Variants in SLC67A2 observed in about 807,000 individuals in gnomAD.
The protein encoded by SLC67A2 is solute carrier family 67 member 2.
chr2:102,716,163 T>C, the SLC67A2 span: 3 of 152,238 alleles, frequency 2.0e-5, no homozygotes, highest in African/African-American at 7.2e-5. Flanking sequence ...CTCTCTACTC[T>C]ATATTCTAAG....
At chr2:102,723,315 C>A in the SLC67A2 span, among the ~76,000 whole-genome samples, 1 of 152,010 alleles carries the variant, frequency 6.6e-6, no homozygotes, top group African/African-American at 2.4e-5. Context: ...ACTAAAAATA[C>A]AAAATTAACC....
At chr2:102,719,053 G>T in the SLC67A2 span, 1 of 1,614,146 alleles carries the variant, frequency 6.2e-7, no homozygotes, top group Non-Finnish European at 8.5e-7. Context: ...CCCAGGGCTG[G>T]GCAGTCTTCT....
chr2:102,724,752 T>C, the SLC67A2 span, among the ~76,000 whole-genome samples: 3 of 152,256 alleles, frequency 2.0e-5, no homozygotes, highest in African/African-American at 7.2e-5. Context: ...GCAGTCTCAC[T>C]CTGCACATCA....
the SLC67A2 span, chr2:102,718,483 G>A: frequency 6.2e-7 from 1 of 1,614,166 alleles, no homozygotes; most frequent in Non-Finnish European, 8.5e-7. Flanking sequence ...GAGACATTAT[G>A]AAAATGGCCA....
chr2:102,723,383 C>T, the SLC67A2 span, among the ~76,000 whole-genome samples: 44,566 of 151,974 alleles, frequency 0.29, 6,937 homozygotes, highest in East Asian at 0.55. Flanking sequence ...GCAGGAGAAT[C>T]GCTTGAATCT....
chr2:102,736,824 G>A, the SLC67A2 span: 10 of 1,590,704 alleles, frequency 6.3e-6, no homozygotes, highest in African/African-American at 1.4e-5. Context: ...CGCGCCGGCC[G>A]GGGGTCGGAC....
the SLC67A2 span, among the ~76,000 whole-genome samples, chr2:102,720,147 A>G: frequency 6.6e-6 from 1 of 152,206 alleles, no homozygotes; most frequent in Admixed American, 6.5e-5. Context: ...AGAGCACTTA[A>G]AAGTTCAACT....
chr2:102,732,053 G>A, the SLC67A2 span: 2 of 586,360 alleles, frequency 3.4e-6, no homozygotes, highest in Non-Finnish European at 6.6e-6. Context: ...GCTCCTTGCA[G>A]AGGCTCCATA....
At chr2:102,719,113 G>A in the SLC67A2 span, 1 of 1,614,190 alleles carries the variant, frequency 6.2e-7, no homozygotes, top group Non-Finnish European at 8.5e-7. Context: ...CTGTGTCATG[G>A]CTCCTTCCCA....
the SLC67A2 span, chr2:102,732,548 T>C: frequency 2.9e-6 from 2 of 680,600 alleles, no homozygotes; most frequent in Non-Finnish European, 4.9e-6. Context: ...TTCCATAGCA[T>C]GCCATACAAA....
the SLC67A2 span, chr2:102,731,214 C>G: frequency 1.8e-6 from 1 of 566,712 alleles, no homozygotes; most frequent in East Asian, 3.1e-5. Flanking sequence ...TTTTTTTTTT[C>G]TACTTGGAAA....
the SLC67A2 span, among the ~76,000 whole-genome samples, chr2:102,720,394 AG>A: frequency 6.6e-6 from 1 of 152,240 alleles, no homozygotes; most frequent in Non-Finnish European, 1.5e-5. Context: ...CTAAAAAAGT[AG>A]AATTAAAATA....
the SLC67A2 span, among the ~76,000 whole-genome samples, chr2:102,725,338 A>G: frequency 6.6e-6 from 1 of 152,200 alleles, no homozygotes; most frequent in Admixed American, 6.5e-5. Flanking sequence ...CTCATTTGTG[A>G]AGATCATAGT....
the SLC67A2 span, chr2:102,736,822 C>A: frequency 1.3e-6 from 2 of 1,592,912 alleles, no homozygotes; most frequent in Non-Finnish European, 1.7e-6. Flanking sequence ...CCCGCGCCGG[C>A]CGGGGGTCGG....
chr2:102,722,334 C>T, the SLC67A2 span, among the ~76,000 whole-genome samples: 1 of 152,116 alleles, frequency 6.6e-6, no homozygotes, highest in Non-Finnish European at 1.5e-5. Flanking sequence ...GACCAGAAAG[C>T]CAGCATGGCC....
At chr2:102,726,724 T>C in the SLC67A2 span, 2 of 1,409,400 alleles carry the variant, frequency 1.4e-6, no homozygotes, top group Non-Finnish European at 1.9e-6. Context: ...GAACACTCTT[T>C]AAGCAAGTAA....
At chr2:102,727,212 C>T in the SLC67A2 span, among the ~76,000 whole-genome samples, 4 of 151,856 alleles carry the variant, frequency 2.6e-5, no homozygotes, top group South Asian at 8.3e-4. Flanking sequence ...ACAAAAAAGT[C>T]TGATGATCTG....
At chr2:102,726,815 T>TG in the SLC67A2 span, 676 of 1,444,664 alleles carry the variant, frequency 4.7e-4, no homozygotes, top group African/African-American at 1.6e-3. Flanking sequence ...AAGCTACGTT[T>TG]GAAAAAAAAA....
chr2:102,723,600 G>A, the SLC67A2 span: 1 of 1,197,752 alleles, frequency 8.3e-7, no homozygotes, highest in African/African-American at 1.5e-5. Context: ...CGATGAGTCT[G>A]TCTATTCTGA....
Sources: allele counts gnomAD v4.1 joint callset (sites outside exome capture counted in the v4.1 genomes callset), GRCh38; gene constraint gnomAD v4.1.1; transcripts MANE v1.5; gene names NCBI Gene and HGNC (gene_info 2026-07-23, HGNC 2026-07-21).